The following CTNNA2 variants were observed in gnomAD, a reference collection of about 807,000 sequenced individuals.
CTNNA2 encodes catenin alpha 2, also known as catenin alpha-2.
In CTNNA2, 42 loss-of-function variants were observed where a neutral mutation model predicts 101.0. That is an observed-to-expected ratio of 0.42 (90% CI 0.32 to 0.54). The LOEUF is 0.54. CTNNA2 is among the 20% of genes least tolerant of loss of function. The probability of loss-of-function intolerance (pLI) is 0.14; values close to 1 mark genes in which losing one functional copy is unlikely to be tolerated. For missense variants in CTNNA2, 871 were observed against 1,223.1 expected (o/e 0.71, Z 4.29); for synonymous variants, 450 against 456.4 (o/e 0.99, Z 0.18).
Position 80,545,015 on chromosome 2 carries a change from G to A in CTNNA2, c.1324G>A (p.Glu442Lys). ...TTTGGCCTGTTCCATCTCCAACAAT[G>A]AAGAAGGGGTGAAATTAGTTCGGAT... ...ANLACSISNNEEGVKLVRMAA... is the reference protein window; with the variant it reads ...ANLACSISNNKEGVKLVRMAA... Residue 442 changes from glutamate (E) to lysine (K), a missense_variant, in exon 10 of 19, where the codon GAA becomes AAA. Coordinates refer to ENST00000402739, the MANE Select transcript of CTNNA2 (RefSeq NM_001282597.3). The A allele has an allele frequency of 1.2e-6, 2 of 1,614,072 alleles. No individual in the cohort carries two copies. Among genetic ancestry groups the A allele is most frequent in the South Asian group, 1.1e-5 (1 of 91,078 alleles).
intron 7 of CTNNA2, among the ~76,000 whole-genome samples, chr2:80,000,481 T>C (rs1692868042): frequency 6.6e-6 from 1 of 152,128 alleles, no homozygotes; most frequent in African/African-American, 2.4e-5. Flanking sequence ...CCTTTTAATA[T>C]TTAGGGACAG....
At chr2:79,700,921 A>T (rs1205069700) in intron 2 of CTNNA2, among the ~76,000 whole-genome samples, 1 of 152,228 alleles carries the variant, frequency 6.6e-6, no homozygotes, top group Non-Finnish European at 1.5e-5. Flanking sequence ...ATGTAGCTGC[A>T]GACTAGCATG....
chr2:80,581,125 G>A (rs1342002750), intron 13 of CTNNA2, among the ~76,000 whole-genome samples: 1 of 152,144 alleles, frequency 6.6e-6, no homozygotes, highest in Non-Finnish European at 1.5e-5. Flanking sequence ...AATCATAGAG[G>A]TAGCTACTAT....
At chr2:79,808,743 TG>T (rs1676772664) in intron 3 of CTNNA2, among the ~76,000 whole-genome samples, 1 of 152,036 alleles carries the variant, frequency 6.6e-6, no homozygotes, top group Admixed American at 6.6e-5. Flanking sequence ...TAGGCAAATT[TG>T]GGGTCAAGGT....
intron 1 of CTNNA2, among the ~76,000 whole-genome samples, chr2:79,583,110 C>T (rs1422153102): frequency 1.3e-5 from 2 of 151,814 alleles, no homozygotes; most frequent in Admixed American, 6.6e-5. Context: ...ATGGTTGTTG[C>T]CACAGTTTGT....
intron 2 of CTNNA2, among the ~76,000 whole-genome samples, chr2:79,684,654 C>A (rs7576176): frequency 0.66 from 100,489 of 152,002 alleles, 33,422 homozygotes; most frequent in East Asian, 0.89. Flanking sequence ...AAACCAAACC[C>A]AAAAAAATGG....
intron 12 of CTNNA2, among the ~76,000 whole-genome samples, chr2:80,566,844 A>C (rs1030206234): frequency 4.6e-5 from 7 of 152,190 alleles, no homozygotes; most frequent in African/African-American, 1.7e-4. Context: ...ATCATCAGGA[A>C]AAATTCTATT....
At chr2:80,079,789 G>A (rs1699002486) in intron 7 of CTNNA2, among the ~76,000 whole-genome samples, 1 of 135,528 alleles carries the variant, frequency 7.4e-6, no homozygotes, top group Non-Finnish European at 1.6e-5. Flanking sequence ...ACTCCAGCCT[G>A]GCGACAGAGG....
intron 1 of CTNNA2, among the ~76,000 whole-genome samples, chr2:79,648,777 A>C (rs191651054): frequency 6.6e-4 from 101 of 152,310 alleles, no homozygotes; most frequent in African/African-American, 2.2e-3. Flanking sequence ...TAGTAAACTA[A>C]ATGGTGAAAA....
intron 4 of CTNNA2, among the ~76,000 whole-genome samples, chr2:79,414,499 TA>T (rs1478274757): frequency 2.0e-5 from 3 of 152,108 alleles, no homozygotes; most frequent in Non-Finnish European, 4.4e-5. Context: ...AATTCCTTGG[TA>T]ATTTTATAAA....
chr2:80,259,494 C>G (rs1672428708), intron 7 of CTNNA2, among the ~76,000 whole-genome samples: 1 of 152,154 alleles, frequency 6.6e-6, no homozygotes, highest in Non-Finnish European at 1.5e-5. Context: ...TGTCATATAT[C>G]CCTCTTCACA....
chr2:80,447,844 G>T (rs1360836563), intron 9 of CTNNA2, among the ~76,000 whole-genome samples: 1 of 152,194 alleles, frequency 6.6e-6, no homozygotes, highest in Non-Finnish European at 1.5e-5. Context: ...GCATATTTAG[G>T]GATGAAGATG....
At chr2:79,947,126 A>G (rs1413101463) in intron 7 of CTNNA2, among the ~76,000 whole-genome samples, 4 of 152,216 alleles carry the variant, frequency 2.6e-5, no homozygotes, top group Non-Finnish European at 5.9e-5. Context: ...ATAAGAAGAG[A>G]TAACTTTCAA....
intron 7 of CTNNA2, among the ~76,000 whole-genome samples, chr2:80,209,016 C>T (rs935917170): frequency 6.6e-6 from 1 of 152,082 alleles, no homozygotes; most frequent in African/African-American, 2.4e-5. Flanking sequence ...ACACATAACT[C>T]ACTCTTTTTT....
In CTNNA2 at chr2:80,601,405, TTTTC is replaced by T. The variant is rs201436020; in HGVS notation, c.2190-2653_2190-2650del. Among the ~76,000 whole-genome samples, 783 of 129,000 alleles carry T rather than the reference TTTTC, an allele frequency of 6.1e-3. 12 individuals are homozygous for T. Among genetic ancestry groups the T allele is most frequent in the South Asian group, 0.012 (48 of 4,084 alleles). The allele number at this position is 129,000 out of a possible 152,430, so 84.6% of individuals were successfully genotyped here. On this transcript the variant is annotated intron_variant, in intron 15 of 18. Coordinates refer to ENST00000402739, the MANE Select transcript of CTNNA2 (RefSeq NM_001282597.3). ...AGAAACCACCTGGATTTAATGACTT[TTTTC>T]TTTCTTTCTTTCTTTTTTTTTTTTT...
intron 2 of CTNNA2, among the ~76,000 whole-genome samples, chr2:79,202,947 A>G (rs1674056537): frequency 6.6e-6 from 1 of 152,344 alleles, no homozygotes; most frequent in Admixed American, 6.5e-5. Context: ...ACAGAGATCA[A>G]TGTAGTTTAC....
chr2:79,267,636 T>A (rs373327983), intron 2 of CTNNA2, among the ~76,000 whole-genome samples: 83 of 152,282 alleles, frequency 5.5e-4, no homozygotes, highest in African/African-American at 1.8e-3. Context: ...AGTTTTAGCT[T>A]GGCCTTCCTG....
At chr2:79,408,963 G>A (rs1487216600) in intron 4 of CTNNA2, among the ~76,000 whole-genome samples, 1 of 149,300 alleles carries the variant, frequency 6.7e-6, no homozygotes, top group East Asian at 2.0e-4. Context: ...CAGCACTGTT[G>A]TTTCCTGACT....
chr2:79,926,683 A>G (rs2104401932), intron 7 of CTNNA2, among the ~76,000 whole-genome samples: 1 of 152,146 alleles, frequency 6.6e-6, no homozygotes, highest in East Asian at 1.9e-4. Flanking sequence ...TGACAAGGGT[A>G]AGGGCAATTT....
Sources: gnomAD v4.1 joint callset for allele counts (sites outside exome capture counted in the v4.1 genomes callset) on GRCh38, gnomAD v4.1.1 for gene constraint, MANE v1.5 for transcripts, NCBI Gene and HGNC (gene_info 2026-07-23, HGNC 2026-07-21) for gene names.